The following SLC12A7 variants were observed in gnomAD, a reference collection of about 807,000 sequenced individuals.
SLC12A7 encodes the protein K-Cl cotransporter 4.
SLC12A7 carries 100 observed loss-of-function variants against 120.6 expected under a neutral mutation model. The observed-to-expected ratio is 0.83, with a 90% CI of 0.71 to 0.98. The LOEUF is 0.98. Among genes scored for constraint, SLC12A7 ranks in the 50% least tolerant of loss-of-function variants. The pLI is 0.00. For missense variants in SLC12A7, 1,373 were observed against 1,548.1 expected, an observed-to-expected ratio of 0.89 and a Z score of 1.90; for synonymous variants, 760 against 678.0, an observed-to-expected ratio of 1.12 and a Z score of -1.88.
intron 3 of SLC12A7, among the ~76,000 whole-genome samples, chr5:1,090,643 C>T (rs571371687): frequency 6.6e-6 from 1 of 152,330 alleles, no homozygotes; most frequent in South Asian, 2.1e-4. Flanking sequence ...TCAGCTAACG[C>T]AGGAGCCGAC....
At chr5:1,133,146 C>G in the SLC12A7 span, among the ~76,000 whole-genome samples, 1 of 152,340 alleles carries the variant, frequency 6.6e-6, no homozygotes, top group South Asian at 2.1e-4. Flanking sequence ...GAACTCCCAA[C>G]TTCAAGTGAT....
At chr5:1,090,085 G>A (rs565185609) in intron 3 of SLC12A7, among the ~76,000 whole-genome samples, 198 of 152,366 alleles carry the variant, frequency 1.3e-3, no homozygotes, top group South Asian at 3.3e-3. Context: ...GGCCCCGTGC[G>A]GGGCTTCGAT....
intron 3 of SLC12A7, among the ~76,000 whole-genome samples, chr5:1,089,573 A>G (rs1174526412): frequency 3.4e-5 from 2 of 59,274 alleles, no homozygotes; most frequent in Admixed American, 3.4e-4. Flanking sequence ...CATAAAGCTA[A>G]AAAAAAAAAA....
intron 22 of SLC12A7, among the ~76,000 whole-genome samples, chr5:1,056,306 C>T (rs535561395): frequency 6.6e-4 from 101 of 152,316 alleles, no homozygotes; most frequent in African/African-American, 2.4e-3. Flanking sequence ...GGCTCGGACA[C>T]CTCCCAGGTC....
At chr5:1,131,824 CT>C in the SLC12A7 span, among the ~76,000 whole-genome samples, 1 of 152,198 alleles carries the variant, frequency 6.6e-6, no homozygotes, top group Non-Finnish European at 1.5e-5. Context: ...GGTGATCCTC[CT>C]GGGAGGTAGG....
upstream of SLC12A7, among the ~76,000 whole-genome samples, chr5:1,115,018 C>A (rs1217066563): frequency 1.3e-5 from 2 of 152,216 alleles, no homozygotes; most frequent in African/African-American, 4.8e-5. Context: ...TGGTTCCCGA[C>A]AATCTCCCAA....
chr5:1,079,048 G>C (rs1738692924), intron 10 of SLC12A7, among the ~76,000 whole-genome samples: 1 of 152,186 alleles, frequency 6.6e-6, no homozygotes, highest in Non-Finnish European at 1.5e-5. Flanking sequence ...GGACCATGCT[G>C]AGGGGACAAT....
chr5:1,078,611 T>C, intron 11 of SLC12A7, 90 bp downstream of exon 11: 1 of 1,078,048 alleles, frequency 9.3e-7, no homozygotes. Context: ...CATGAAGTCC[T>C]AGGGCGATGT....
At chr5:1,095,382 T>C (rs1741023558) in intron 1 of SLC12A7, among the ~76,000 whole-genome samples, 1 of 152,094 alleles carries the variant, frequency 6.6e-6, no homozygotes, top group Non-Finnish European at 1.5e-5. Flanking sequence ...GGTCTGCAAA[T>C]GCACATGCCC....
intron 17 of SLC12A7, among the ~76,000 whole-genome samples, chr5:1,069,029 C>T (rs58936983): frequency 3.2e-4 from 49 of 152,170 alleles, no homozygotes; most frequent in African/African-American, 1.1e-3. Context: ...GGACCAGGAC[C>T]GTGAACATCC....
At chr5:1,069,765 C>T (rs1314763350) in intron 17 of SLC12A7, among the ~76,000 whole-genome samples, 4 of 152,186 alleles carry the variant, frequency 2.6e-5, no homozygotes, top group Non-Finnish European at 2.9e-5. Flanking sequence ...AGGCTTTCAT[C>T]GTGTCATCAT....
intron 16 of SLC12A7, among the ~76,000 whole-genome samples, chr5:1,074,340 C>T (rs1738076519): frequency 6.6e-6 from 1 of 152,198 alleles, no homozygotes; most frequent in Non-Finnish European, 1.5e-5. Context: ...AAGCCCAGGG[C>T]TGTGCTGGCA....
upstream of SLC12A7, among the ~76,000 whole-genome samples, chr5:1,115,474 C>G (rs76069391): frequency 1.0e-2 from 1,516 of 152,306 alleles, 10 homozygotes; most frequent in African/African-American, 0.027. Flanking sequence ...CCCAGGTCCG[C>G]GGGTCCCCCC....
intron 1 of SLC12A7, among the ~76,000 whole-genome samples, chr5:1,107,247 G>A (rs187170082): frequency 3.9e-5 from 6 of 152,310 alleles, no homozygotes; most frequent in Non-Finnish European, 8.8e-5. Flanking sequence ...TCTGTGTTAG[G>A]CGTAGCCTTA....
upstream of SLC12A7, among the ~76,000 whole-genome samples, chr5:1,114,710 C>T (rs1743247074): frequency 1.3e-5 from 2 of 152,088 alleles, no homozygotes; most frequent in Admixed American, 1.3e-4. Flanking sequence ...GAAGTGGGCA[C>T]CTGGAGCCAG....
chr5:1,080,235 GACACC>G lies in SLC12A7; in HGVS notation c.1298-744_1298-740del, dbSNP rs1561068548. On this transcript the variant is annotated intron_variant, in intron 9 of 23. Transcript: ENST00000264930. ...CCACGCCCTCCACCCGCGGCGCGGA[GACACC>G]AGGAGCCACGCAGAGGCTCTGCCCC... Among the ~76,000 whole-genome samples, 17 of 95,792 alleles carry G rather than the reference GACACC, an allele frequency of 1.8e-4. 7 individuals carry two copies. The highest frequency in any genetic ancestry group is 6.0e-4 in the South Asian group (2 of 3,354). The allele number at this position is 95,792 out of a possible 152,430, so 62.8% of individuals were successfully genotyped here. A position where few individuals can be genotyped will look rare whatever the true frequency, so the allele number is the denominator to read the frequency against.
the SLC12A7 span, among the ~76,000 whole-genome samples, chr5:1,118,640 T>A: frequency 5.7e-4 from 87 of 152,284 alleles, no homozygotes; most frequent in African/African-American, 2.0e-3. Context: ...TGCCAGGAAA[T>A]TCGAATGAGT....
the SLC12A7 span, among the ~76,000 whole-genome samples, chr5:1,119,983 T>C: frequency 1.3e-5 from 2 of 152,124 alleles, no homozygotes; most frequent in African/African-American, 4.8e-5. Context: ...CCCCCATAGG[T>C]CAACAGCCTG....
At chr5:1,117,225 C>T in the SLC12A7 span, among the ~76,000 whole-genome samples, 17 of 152,030 alleles carry the variant, frequency 1.1e-4, no homozygotes, top group Non-Finnish European at 1.6e-4. The surrounding 1 kb of genome is among the most constrained non-coding windows in gnomAD (Gnocchi z 4.5). Flanking sequence ...GTGCAGCCTT[C>T]GCTGGGGAGG....
Sources: allele counts gnomAD v4.1 joint callset (sites outside exome capture counted in the v4.1 genomes callset), GRCh38; gene constraint gnomAD v4.1.1; non-coding constraint Gnocchi (gnomAD v3.1); transcripts MANE v1.5; gene names NCBI Gene and HGNC (gene_info 2026-07-23, HGNC 2026-07-21).